The following EPM2A variants were observed in gnomAD, a reference collection of about 807,000 sequenced individuals.
EPM2A encodes the protein EPM2A glucan phosphatase, laforin, also known as laforin.
In EPM2A, 21 loss-of-function variants were observed where a neutral mutation model predicts 26.5. The ratio of observed to expected loss-of-function variants is 0.79; its 90% CI spans 0.56 to 1.14. The LOEUF (loss-of-function observed/expected upper bound fraction) is 1.14. Ranked by LOEUF, EPM2A falls within the 50% of genes most tolerant of loss-of-function variation. The pLI is 0.00. For missense variants in EPM2A, 458 were observed against 440.8 expected (o/e 1.04, Z -0.35); for synonymous variants, 217 against 177.6 (o/e 1.22, Z -1.76).
At chr6:145,439,752 C>A (rs563640113) in intron 4 of EPM2A, among the ~76,000 whole-genome samples, 1 of 152,130 alleles carries the variant, frequency 6.6e-6, no homozygotes, top group African/African-American at 2.4e-5. Flanking sequence ...AAATATATTT[C>A]CTCATTCTGT....
chr6:145,489,991 G>C (rs1353186334), intron 4 of EPM2A: 1 of 1,378,978 alleles, frequency 7.3e-7, no homozygotes, highest in African/African-American at 1.4e-5. Context: ...GGCTGTCCTG[G>C]AGCAGATCTG....
At chr6:145,590,046 A>C (rs190061950) in intron 2 of EPM2A, among the ~76,000 whole-genome samples, 234 of 152,276 alleles carry the variant, frequency 1.5e-3, no homozygotes, top group Non-Finnish European at 2.2e-3. Flanking sequence ...ACAGAGAAAT[A>C]TTGCCAAGCT....
At position 145,625,436 on chromosome 6, in the gene EPM2A, G is replaced by C; in HGVS notation, c.*1980C>G. 1 of 464,412 alleles carries C rather than the reference G, an allele frequency of 2.2e-6. No individual in the cohort carries two copies. Among genetic ancestry groups the C allele is most frequent in the East Asian group, 3.6e-5 (1 of 27,660 alleles). 28.8% of individuals were successfully genotyped at this position (464,412 alleles called of 1,614,324 possible). On this transcript the variant is annotated 3_prime_UTR_variant, in exon 4 of 4. Transcript: ENST00000367519. ...AGTCCTAAACTGATTTTGTCTATCA[G>C]AGCAAAAGGAACAAAGGTAAAAATC...
intron 3 of EPM2A, 46 bp downstream of exon 3, chr6:145,635,199 G>C (rs754150416): frequency 6.2e-7 from 1 of 1,611,124 alleles, no homozygotes; most frequent in South Asian, 1.1e-5. Flanking sequence ...GACAGCAAGG[G>C]TTTCTCTGAA....
intron 2 of EPM2A, among the ~76,000 whole-genome samples, chr6:145,613,528 T>A (rs145701791): frequency 7.4e-4 from 113 of 152,328 alleles, no homozygotes; most frequent in African/African-American, 2.6e-3. Flanking sequence ...GGAATCACTA[T>A]GGAAGTTACA....
chr6:145,520,137 C>G (rs540831739), intron 2 of EPM2A, among the ~76,000 whole-genome samples: 1 of 152,290 alleles, frequency 6.6e-6, no homozygotes, highest in South Asian at 2.1e-4. Flanking sequence ...CATGGCTCAT[C>G]CATCTTTTGT....
At chr6:145,565,836 A>G (rs557679382) in intron 2 of EPM2A, among the ~76,000 whole-genome samples, 1 of 152,274 alleles carries the variant, frequency 6.6e-6, no homozygotes, top group South Asian at 2.1e-4. Context: ...GCGATGAGGT[A>G]AAGAAACAGA....
At chr6:145,537,747 C>T (rs1448609471) in intron 2 of EPM2A, among the ~76,000 whole-genome samples, 1 of 151,936 alleles carries the variant, frequency 6.6e-6, no homozygotes. Flanking sequence ...TGCTCTCGCT[C>T]CCCTCACTCC....
At chr6:145,526,141 GC>G (rs1169398271) in intron 2 of EPM2A, among the ~76,000 whole-genome samples, 2 of 152,090 alleles carry the variant, frequency 1.3e-5, no homozygotes, top group African/African-American at 4.8e-5. Flanking sequence ...CAGGAAGAAA[GC>G]CTACTTGATC....
At chr6:145,489,772 T>G in intron 4 of EPM2A, 1 of 1,442,726 alleles carries the variant, frequency 6.9e-7, no homozygotes, top group East Asian at 2.3e-5. Context: ...CTAGGTTCTC[T>G]CTTCTCTCGG....
chr6:145,506,982 A>G (rs1779985154), intron 2 of EPM2A, among the ~76,000 whole-genome samples: 1 of 152,232 alleles, frequency 6.6e-6, no homozygotes, highest in Non-Finnish European at 1.5e-5. Flanking sequence ...TGCCTGGTAT[A>G]TGAAATTGTT....
intron 4 of EPM2A, among the ~76,000 whole-genome samples, chr6:145,422,141 C>G (rs139633886): frequency 0.016 from 2,366 of 143,454 alleles, 58 homozygotes; most frequent in African/African-American, 0.056. Flanking sequence ...ATACACATCT[C>G]TATATATTAA....
Position 145,626,507 on chromosome 6 carries a change from A to G in EPM2A, c.*909T>C. The G allele has an allele frequency of 5.1e-6, 5 of 985,838 alleles. No individual in the cohort carries two copies. Among genetic ancestry groups the G allele is most frequent in the Non-Finnish European group, 4.8e-6 (4 of 829,904 alleles). The allele number at this position is 985,838 out of a possible 1,614,324, so 61.1% of individuals were successfully genotyped here. A position where few individuals can be genotyped will look rare whatever the true frequency, so the allele number is the denominator to read the frequency against. On this transcript the variant is annotated 3_prime_UTR_variant, in exon 4 of 4. Transcript: ENST00000367519. ...TTCTTTGGCAACTGATCAGAATACT[A>G]TTCTATGTCTCGCTATAGAAACTCC...
chr6:145,442,565 C>T lies in EPM2A; in HGVS notation c.556-58468G>A, dbSNP rs572184138. Among the ~76,000 whole-genome samples, 8 of 151,276 alleles carry T rather than the reference C, an allele frequency of 5.3e-5. No homozygotes were observed. The South Asian group carries it at 1.7e-3, about 32-fold the overall frequency. On this transcript the variant is annotated intron_variant, in intron 4 of 4. Coordinates refer to the EPM2A transcript ENST00000638717. ...TGAGAACAGTATGGGGGAAACTGTC[C>T]CCATGATTCAATTATCTCCCATTGG...
intron 4 of EPM2A, among the ~76,000 whole-genome samples, chr6:145,384,779 C>T (rs1246827221): frequency 1.4e-5 from 2 of 147,590 alleles, no homozygotes; most frequent in Non-Finnish European, 3.0e-5. Context: ...CAGATCATCA[C>T]TAACAGAGGT....
chr6:145,646,497 CTA>C (rs1364692582), intron 2 of EPM2A, among the ~76,000 whole-genome samples: 5 of 152,036 alleles, frequency 3.3e-5, no homozygotes, highest in African/African-American at 1.2e-4. Flanking sequence ...CTTTCATTCT[CTA>C]TTGAAAATTC....
chr6:145,677,699 T>C (rs1240315508), intron 2 of EPM2A, among the ~76,000 whole-genome samples: 2 of 151,980 alleles, frequency 1.3e-5, no homozygotes, highest in Admixed American at 1.3e-4. Context: ...GAGAATAAAA[T>C]ACCTAGGAAT....
rs184623114 is a variant in EPM2A, at chr6:145,390,341, A to G, written c.556-6244T>C. On this transcript the variant is annotated intron_variant, in intron 4 of 4. Coordinates refer to the EPM2A transcript ENST00000638717. ...TAAATTTAAATTAAAAAAAAAAAAC[A>G]CCTTCACAGAAACATCCGGAATAAT... Among the ~76,000 whole-genome samples, 420 of 151,544 alleles carry G rather than the reference A, an allele frequency of 2.8e-3. 2 individuals are homozygous for G. Among genetic ancestry groups the G allele is most frequent in the Middle Eastern group, 0.014 (4 of 294 alleles).
chr6:145,642,612 T>C (rs1319126644), intron 2 of EPM2A, among the ~76,000 whole-genome samples: 2 of 152,128 alleles, frequency 1.3e-5, no homozygotes, highest in South Asian at 2.1e-4. Context: ...TTTAAGGACA[T>C]AAACATGGAA....
Sources: gnomAD v4.1 joint callset for allele counts (sites outside exome capture counted in the v4.1 genomes callset) on GRCh38, gnomAD v4.1.1 for gene constraint, MANE v1.5 for transcripts, NCBI Gene and HGNC (gene_info 2026-07-23, HGNC 2026-07-21) for gene names.